Variants in MMP26 observed in about 807,000 individuals in gnomAD.
MMP26 encodes matrix metallopeptidase 26.
MMP26 carries 33 observed loss-of-function variants against 31.0 expected under a neutral mutation model. That is an observed-to-expected ratio of 1.06 (90% confidence interval 0.81 to 1.42). The LOEUF (loss-of-function observed/expected upper bound fraction) is 1.42. Ranked by LOEUF, MMP26 falls within the 40% of genes most tolerant of loss-of-function variation. MMP26 has a pLI of 0.00. For synonymous variants in MMP26, 122 were observed against 114.9 expected, an observed-to-expected ratio of 1.06 and a Z score of -0.40; for missense variants, 347 against 316.1, an observed-to-expected ratio of 1.10 and a Z score of -0.74.
intron 2 of MMP26, among the ~76,000 whole-genome samples, chr11:4,975,126 T>G (rs1846720005): frequency 6.6e-6 from 1 of 152,024 alleles, no homozygotes; most frequent in African/African-American, 2.4e-5. Flanking sequence ...AAATAACATT[T>G]TTTAAAAATG....
At chr11:4,761,813 G>T (rs970216015) in intron 1 of MMP26, among the ~76,000 whole-genome samples, 1 of 152,104 alleles carries the variant, frequency 6.6e-6, no homozygotes, top group Non-Finnish European at 1.5e-5. Context: ...ATAGCATAAT[G>T]CCAGTTCCAT....
chr11:4,899,610 C>G (rs756587656), intron 2 of MMP26, among the ~76,000 whole-genome samples: 3 of 152,044 alleles, frequency 2.0e-5, no homozygotes, highest in Non-Finnish European at 4.4e-5. Flanking sequence ...AAGAGACAAC[C>G]AGTCAGCTAT....
chr11:4,901,575 C>T (rs1228259954), intron 2 of MMP26, among the ~76,000 whole-genome samples: 2 of 151,620 alleles, frequency 1.3e-5, no homozygotes, highest in African/African-American at 2.4e-5. Flanking sequence ...ATGCTGCCTC[C>T]GGGGTTTCAG....
At chr11:4,843,332 C>T (rs1849821966) in intron 2 of MMP26, among the ~76,000 whole-genome samples, 1 of 152,360 alleles carries the variant, frequency 6.6e-6, no homozygotes, top group Non-Finnish European at 1.5e-5. Context: ...GAGCACCACC[C>T]CTGCAGCAGA....
At chr11:4,913,049 G>A (rs550737991) in intron 2 of MMP26, 3 of 152,214 alleles carry the variant, frequency 2.0e-5, no homozygotes, top group East Asian at 1.9e-4. Context: ...TGCTTTCCAC[G>A]TGCATAAGCA....
intron 1 of MMP26, among the ~76,000 whole-genome samples, chr11:4,716,614 C>G (rs1487943447): frequency 7.8e-6 from 1 of 128,052 alleles, no homozygotes; most frequent in East Asian, 2.3e-4. Context: ...GCTTTTGAAG[C>G]AAAGAAGATA....
At chr11:4,932,409 T>G (rs1310950794) in intron 2 of MMP26, among the ~76,000 whole-genome samples, 1 of 152,142 alleles carries the variant, frequency 6.6e-6, no homozygotes, top group Non-Finnish European at 1.5e-5. Flanking sequence ...GAAGGTTCTA[T>G]CCTGTTTCCT....
At chr11:4,748,424 A>AT (rs1848407537) in intron 1 of MMP26, among the ~76,000 whole-genome samples, 1 of 152,084 alleles carries the variant, frequency 6.6e-6, no homozygotes, top group African/African-American at 2.4e-5. Flanking sequence ...GGAGGGGGGA[A>AT]TTACCCCTAA....
intron 2 of MMP26, chr11:4,943,304 AAT>A (rs1846243752): frequency 3.3e-6 from 1 of 299,666 alleles, no homozygotes; most frequent in Non-Finnish European, 6.7e-6. Flanking sequence ...ATGTGTGATT[AAT>A]AAGTCTTTTA....
chr11:4,917,869 G>A (rs1233338020), intron 2 of MMP26, among the ~76,000 whole-genome samples: 1 of 151,870 alleles, frequency 6.6e-6, no homozygotes, highest in African/African-American at 2.4e-5. Context: ...AAAATTCAGA[G>A]AGCCTGACAA....
At chr11:4,764,178 A>G (rs1370263582) in intron 1 of MMP26, among the ~76,000 whole-genome samples, 1 of 152,208 alleles carries the variant, frequency 6.6e-6, no homozygotes, top group African/African-American at 2.4e-5. Context: ...TATTCATCTA[A>G]TCATGATTTT....
chr11:4,962,195 C>T (rs1486785084), intron 2 of MMP26, among the ~76,000 whole-genome samples: 1 of 152,042 alleles, frequency 6.6e-6, no homozygotes. Context: ...TTGTCTCCTC[C>T]CTCTAAAGTC....
intron 2 of MMP26, chr11:4,914,796 G>T: frequency 1.2e-6 from 2 of 1,614,046 alleles, no homozygotes; most frequent in Non-Finnish European, 1.7e-6. Flanking sequence ...TTCATCACAG[G>T]AGGAAAGAGA....
At chr11:4,893,663 G>A (rs1850660337) in intron 2 of MMP26, among the ~76,000 whole-genome samples, 2 of 152,132 alleles carry the variant, frequency 1.3e-5, no homozygotes, top group Admixed American at 6.6e-5. Context: ...ATTGTTTTGT[G>A]TGCCTCTGCC....
intron 2 of MMP26, among the ~76,000 whole-genome samples, chr11:4,969,130 G>T (rs1363078388): frequency 6.6e-6 from 1 of 151,828 alleles, no homozygotes; most frequent in East Asian, 1.9e-4. Flanking sequence ...AATGTGAATT[G>T]TCATAAGCCC....
At chr11:4,924,318 T>C (rs1418128643) in intron 2 of MMP26, 1 of 1,609,278 alleles carries the variant, frequency 6.2e-7, no homozygotes, top group Non-Finnish European at 8.5e-7. Context: ...CTTTGGAGGC[T>C]GCTATTAAGA....
At chr11:4,735,186 A>T (rs2133287332) in intron 1 of MMP26, among the ~76,000 whole-genome samples, 1 of 152,350 alleles carries the variant, frequency 6.6e-6, no homozygotes, top group African/African-American at 2.4e-5. Context: ...AGCTGGCTTT[A>T]GTTCAAGCAC....
chr11:4,732,558 A>G (rs567634890), intron 1 of MMP26, among the ~76,000 whole-genome samples: 1,972 of 151,264 alleles, frequency 0.013, 32 homozygotes, highest in Middle Eastern at 0.062. Context: ...AAAAAAAAAA[A>G]AAAGAAAATT....
Position 4,991,472 on chromosome 11 carries a change from G to T in MMP26, c.571G>T (p.Glu191Ter), listed in dbSNP as rs768238559. ...TGGAGTTGTCCATTTTGACAAGAAT[G>T]AACACTGGTCAGCTTCAGACACTGG... is the stretch of plus-strand genomic sequence containing the variant. ...NPGVVHFDKN[E>*]HWSASDTGYN... Residue 191 changes from glutamate (E) to a stop codon, truncating the protein, a stop_gained, in exon 6 of 8, where the codon GAA becomes TAA. Coordinates refer to ENST00000380390, the MANE Select transcript of MMP26 (RefSeq NM_021801.5). LOFTEE classifies it high-confidence loss of function. 3 of 1,613,778 alleles carry T rather than the reference G, an allele frequency of 1.9e-6. No individual in the cohort carries two copies. Among genetic ancestry groups the T allele is most frequent in the South Asian group, 2.2e-5 (2 of 91,028 alleles).
Sources: gnomAD v4.1 joint callset for allele counts (sites outside exome capture counted in the v4.1 genomes callset) on GRCh38, gnomAD v4.1.1 for gene constraint, MANE v1.5 for transcripts, NCBI Gene and HGNC (gene_info 2026-07-23, HGNC 2026-07-21) for gene names.